Variants in CALCOCO2 observed in about 807,000 individuals in gnomAD.
CALCOCO2 encodes calcium binding and coiled-coil domain 2.
Under a neutral mutation model 62.5 loss-of-function variants are expected in CALCOCO2, and 42 were observed. The ratio of observed to expected loss-of-function variants is 0.67; its 90% CI spans 0.53 to 0.87. The LOEUF is 0.87. CALCOCO2 is among the 40% of genes least tolerant of loss of function. CALCOCO2 has a pLI of 0.00. For missense variants in CALCOCO2, 456 were observed against 515.0 expected, an observed-to-expected ratio of 0.89 and a Z score of 1.11; for synonymous variants, 167 against 173.0, an observed-to-expected ratio of 0.97 and a Z score of 0.27.
intron 2 of CALCOCO2, among the ~76,000 whole-genome samples, chr17:48,843,237 C>T (rs150190115): frequency 1.7e-3 from 256 of 152,312 alleles, no homozygotes; most frequent in African/African-American, 6.0e-3. Context: ...TTAGCTTACT[C>T]TCTATGTCCC....
At chr17:48,853,967 A>G (rs1351406229) in intron 9 of CALCOCO2, among the ~76,000 whole-genome samples, 1 of 152,134 alleles carries the variant, frequency 6.6e-6, no homozygotes, top group Non-Finnish European at 1.5e-5. Context: ...TGCTCTCTAT[A>G]GGCACATTCC....
At chr17:48,839,973 C>CTT (rs2039954589) in intron 1 of CALCOCO2, among the ~76,000 whole-genome samples, 1 of 151,918 alleles carries the variant, frequency 6.6e-6, no homozygotes, top group African/African-American at 2.4e-5. Flanking sequence ...CCATGCCTGG[C>CTT]TTTTTTTGCT....
At position 48,848,038 on chromosome 17, in the gene CALCOCO2, T is replaced by C. The variant is rs1260353141; in HGVS notation, c.181-26T>C. On this transcript the variant is annotated intron_variant, in intron 2 of 12. Transcript: ENST00000258947. ...TTTTCCCCAGTCCCCTTTCAGGTAC[T>C]AAATAAGAACTTCTTGTCATTGCAG... The C allele has an allele frequency of 3.0e-6, 4 of 1,332,002 alleles. No individual in the cohort carries two copies. The East Asian group carries it at 6.9e-5, about 23-fold the overall frequency. 82.5% of individuals were successfully genotyped at this position (1,332,002 alleles called of 1,614,324 possible).
At chr17:48,833,184 C>T (rs1456676481) in intron 1 of CALCOCO2, among the ~76,000 whole-genome samples, 1 of 152,196 alleles carries the variant, frequency 6.6e-6, no homozygotes. Flanking sequence ...TATGTGTAAG[C>T]ATTTCTGCCA....
Position 48,849,285 on chromosome 17 carries a change from G to T in CALCOCO2, c.451G>T (p.Glu151Ter). The T allele has an allele frequency of 6.2e-7, 1 of 1,613,706 alleles. No homozygotes were observed. The highest frequency in any genetic ancestry group is 8.5e-7 in the Non-Finnish European group (1 of 1,179,702). ...GGAAGAGATTGAGCAGCACAACAAG[G>T]AGCTTTGCAAAGAAAACCAGGAGCT... ...EVEEIEQHNK[E>*]LCKENQELKD... Residue 151 changes from glutamate (E) to a stop codon, truncating the protein, a stop_gained, in exon 5 of 13, where the codon GAG (glutamate) becomes TAG (stop). Coordinates refer to ENST00000258947, the MANE Select transcript of CALCOCO2 (RefSeq NM_005831.5). LOFTEE classifies it high-confidence loss of function.
chr17:48,848,968 G>A, intron 4 of CALCOCO2: 1 of 434,874 alleles, frequency 2.3e-6, no homozygotes, highest in Non-Finnish European at 4.4e-6. Context: ...TCCATTGGGA[G>A]AGACAAACAA....
chr17:48,851,318 G>T (rs1598037898), intron 6 of CALCOCO2, 141 bp downstream of exon 6: 1 of 652,678 alleles, frequency 1.5e-6, no homozygotes, highest in East Asian at 2.6e-5. Context: ...TTTGAATCAT[G>T]AATTAGAAAA....
rs1249934782 is a variant in CALCOCO2 at position 48,865,103 on chromosome 17, A to G, written c.*2098A>G. ...AGGAGCCCTTCCACAGGGCTTGGTAAAAAAACCAGTTGAGGTGTTAATGAC... is the reference window on the plus strand; with the variant it reads ...AGGAGCCCTTCCACAGGGCTTGGTAGAAAAACCAGTTGAGGTGTTAATGAC... On this transcript the variant is annotated 3_prime_UTR_variant, in exon 13 of 13. Coordinates refer to ENST00000258947, the MANE Select transcript of CALCOCO2 (RefSeq NM_005831.5). 1 of 152,202 alleles carries G rather than the reference A, an allele frequency of 6.6e-6. No individual in the cohort carries two copies. The highest frequency in any genetic ancestry group is 1.5e-5 in the Non-Finnish European group (1 of 68,036). The allele number at this position is 152,202 out of a possible 1,614,324, so 9.4% of individuals were successfully genotyped here. A position where few individuals can be genotyped will look rare whatever the true frequency, so the allele number is the denominator to read the frequency against.
intron 9 of CALCOCO2, among the ~76,000 whole-genome samples, chr17:48,855,545 C>T (rs2040202804): frequency 6.6e-6 from 1 of 152,136 alleles, no homozygotes; most frequent in Non-Finnish European, 1.5e-5. Flanking sequence ...GTTAGGTCAA[C>T]CCATCACACT....
chr17:48,862,316 A>T lies in CALCOCO2; in HGVS notation c.1173+12A>T, dbSNP rs374273061. 92 of 1,562,144 alleles carry T rather than the reference A, an allele frequency of 5.9e-5. No homozygotes were observed. Among genetic ancestry groups the T allele is most frequent in the Admixed American group, 1.0e-4 (6 of 59,864 alleles). On this transcript the variant is annotated intron_variant, in intron 12 of 12. Coordinates refer to ENST00000258947, the MANE Select transcript of CALCOCO2 (RefSeq NM_005831.5). ...CTTCCCCCAGCCCGGTAAGTATTTG[A>T]TTCATGAGAATATTCCCACAAAGCA...
At chr17:48,862,773 A>AGT in intron 12 of CALCOCO2, 65 bp from the exon 13 acceptor site, 9 of 1,344,214 alleles carry the variant, frequency 6.7e-6, no homozygotes, top group Non-Finnish European at 7.5e-6. Context: ...AGTGGAAGAC[A>AGT]GGATGGCCAC....
intron 1 of CALCOCO2, among the ~76,000 whole-genome samples, chr17:48,840,336 G>A (rs2039959938): frequency 6.6e-6 from 1 of 151,960 alleles, no homozygotes; most frequent in Non-Finnish European, 1.5e-5. Flanking sequence ...TTGCCATGTT[G>A]CCCAGGTTGG....
At chr17:48,857,679 A>C (rs943517204) in intron 10 of CALCOCO2, among the ~76,000 whole-genome samples, 1 of 149,688 alleles carries the variant, frequency 6.7e-6, no homozygotes, top group African/African-American at 2.5e-5. Context: ...TTGCGGTTAA[A>C]ACACATAAAA....
chr17:48,864,450 C>T lies in CALCOCO2; in HGVS notation c.*1445C>T, dbSNP rs1006076181. 6.5e-6 allele frequency: 1 copy of T among 154,198 alleles called. No individual in the cohort carries two copies. Among genetic ancestry groups the T allele is most frequent in the African/African-American group, 2.4e-5 (1 of 41,492 alleles). 9.6% of individuals were successfully genotyped at this position (154,198 alleles called of 1,614,324 possible). A position where few individuals can be genotyped will look rare whatever the true frequency, so the allele number is the denominator to read the frequency against. ...TTTCGCACCCTTTGTGAACTAAGTT[C>T]AATGCGCTCTATCCAAATTTGCCTA... On this transcript the variant is annotated 3_prime_UTR_variant, in exon 13 of 13. Transcript: ENST00000258947.
chr17:48,850,189 C>T (rs576135600), intron 5 of CALCOCO2, among the ~76,000 whole-genome samples: 4 of 152,294 alleles, frequency 2.6e-5, no homozygotes, highest in African/African-American at 9.6e-5. Context: ...ATCCAAGCTA[C>T]TCAGGAGGCT....
chr17:48,858,044 GA>G (rs10585390), intron 10 of CALCOCO2, among the ~76,000 whole-genome samples: 1 of 31,338 alleles, frequency 3.2e-5, no homozygotes, highest in African/African-American at 1.0e-4. Flanking sequence ...GAATAGAATA[GA>G]AAATAGAATA....
chr17:48,852,705 T>G (rs375521986), intron 8 of CALCOCO2, 77 bp downstream of exon 8: 8 of 1,325,822 alleles, frequency 6.0e-6, no homozygotes, highest in East Asian at 4.7e-5. Flanking sequence ...AAGAACATTT[T>G]AATGTTCTTT....
chr17:48,833,297 C>T (rs193085231), intron 1 of CALCOCO2, among the ~76,000 whole-genome samples: 4 of 152,304 alleles, frequency 2.6e-5, no homozygotes, highest in African/African-American at 7.2e-5. Context: ...TGGCTCACGC[C>T]TGTAATCCCA....
At chr17:48,833,183 G>A (rs892429721) in intron 1 of CALCOCO2, among the ~76,000 whole-genome samples, 3 of 152,216 alleles carry the variant, frequency 2.0e-5, no homozygotes, top group Non-Finnish European at 2.9e-5. Context: ...TTATGTGTAA[G>A]CATTTCTGCC....
Sources: allele counts gnomAD v4.1 joint callset (sites outside exome capture counted in the v4.1 genomes callset), GRCh38; gene constraint gnomAD v4.1.1; transcripts MANE v1.5; gene names NCBI Gene and HGNC (gene_info 2026-07-23, HGNC 2026-07-21).